Variants in VWDE observed in about 807,000 individuals in gnomAD.
VWDE encodes von Willebrand factor D and EGF domain-containing protein.
VWDE carries 207 observed loss-of-function variants against 178.4 expected under a neutral mutation model. The observed-to-expected ratio is 1.16, with a 90% CI of 1.04 to 1.30. VWDE has a LOEUF of 1.30. Ranked by LOEUF, VWDE falls within the 50% of genes most tolerant of loss-of-function variation. The probability of loss-of-function intolerance (pLI) is 0.00; values close to 1 mark genes in which losing one functional copy is unlikely to be tolerated. For missense variants in VWDE, 2,287 were observed against 1,901.3 expected (o/e 1.20, Z -3.77); for synonymous variants, 738 against 651.4 (o/e 1.13, Z -2.02).
At chr7:12,331,254 T>G (rs1780706799) in intron 28 of VWDE, 57 bp from the exon 29 acceptor site, 2 of 1,450,374 alleles carry the variant, frequency 1.4e-6, no homozygotes, top group African/African-American at 2.9e-5. Context: ...CATTTAACCC[T>G]TACTCATTAT....
chr7:12,390,315 A>AC (rs1784324458), intron 2 of VWDE, among the ~76,000 whole-genome samples: 1 of 152,072 alleles, frequency 6.6e-6, no homozygotes, highest in African/African-American at 2.4e-5. Flanking sequence ...CAGGGCCCTT[A>AC]CTAAATGCAT....
intron 3 of VWDE, among the ~76,000 whole-genome samples, chr7:12,387,686 G>A (rs1784171896): frequency 1.3e-5 from 2 of 152,030 alleles, no homozygotes; most frequent in African/African-American, 4.8e-5. Flanking sequence ...ATAATTGTGT[G>A]ATTTGGGGTC....
intron 27 of VWDE, 82 bp downstream of exon 27, chr7:12,336,059 A>G: frequency 8.1e-7 from 1 of 1,238,590 alleles, no homozygotes; most frequent in Non-Finnish European, 1.1e-6. Context: ...CCCCTTATGG[A>G]CTTGTCCTAA....
chr7:12,365,987 C>T (rs1009077744), intron 13 of VWDE, among the ~76,000 whole-genome samples: 2 of 151,876 alleles, frequency 1.3e-5, no homozygotes, highest in Admixed American at 1.3e-4. Flanking sequence ...GCAGTTTCTC[C>T]CATGCTGCTC....
chr7:12,377,686 A>G, intron 7 of VWDE, 90 bp downstream of exon 7: 2 of 758,584 alleles, frequency 2.6e-6, no homozygotes, highest in East Asian at 3.3e-5. Context: ...GATTTATTAT[A>G]TGAGTACACT....
In VWDE at chr7:12,370,190, T is replaced by C. The variant is rs1054319275; in HGVS notation, c.2116A>G (p.Lys706Glu). ...TGTTTTTGTACATTTAAGCCGAGTT[T>C]AGTCAGGTTTATGTGTTTTTTTTCT... ...LQEKKHINLTKLGLNVQKHPG... is the reference protein window; with the variant it reads ...LQEKKHINLTELGLNVQKHPG... The change falls in exon 12 of 29, where the codon AAA (lysine) becomes GAA (glutamate). Residue 706 changes from lysine to glutamate, a missense_variant. Transcript: ENST00000275358. 13 of 1,551,454 alleles carry C rather than the reference T, an allele frequency of 8.4e-6. No individual in the cohort carries two copies. The highest frequency in any genetic ancestry group is 1.1e-5 in the Non-Finnish European group (13 of 1,146,884).
rs554177615 is a variant in VWDE at position 12,352,433 on chromosome 7, G to C, written c.3746-720C>G. Among the ~76,000 whole-genome samples the C allele has an allele frequency of 1.5e-3, 232 of 152,224 alleles. 1 individual carries two copies. Among genetic ancestry groups the C allele is most frequent in the African/African-American group, 5.4e-3 (223 of 41,536 alleles). On this transcript the variant is annotated intron_variant, in intron 18 of 28. Coordinates refer to ENST00000275358, the MANE Select transcript of VWDE (RefSeq NM_001135924.3). ...ACCAAAAGTCCTTTTGTATTAATAA[G>C]CCCCTTCCTACAATACACAAATGAC...
At chr7:12,392,133 G>C (rs1432571348) in intron 2 of VWDE, among the ~76,000 whole-genome samples, 1 of 152,172 alleles carries the variant, frequency 6.6e-6, no homozygotes, top group Non-Finnish European at 1.5e-5. Flanking sequence ...AGAAGATCAG[G>C]TACATGACTT....
intron 1 of VWDE, among the ~76,000 whole-genome samples, chr7:12,394,011 A>G (rs1489346110): frequency 6.6e-6 from 1 of 152,220 alleles, no homozygotes; most frequent in East Asian, 1.9e-4. Context: ...TGTACTTTTG[A>G]AACACTTAAG....
chr7:12,336,799 T>A lies in VWDE; in HGVS notation c.4558+189A>T, dbSNP rs575556989. ...TACAAGATATCCTCTTCTGCTAACC[T>A]GAAAGAATGAGTTCAGAAGAGTAAA... On this transcript the variant is annotated intron_variant, in intron 26 of 28. Coordinates refer to ENST00000275358, the MANE Select transcript of VWDE (RefSeq NM_001135924.3). 1.9e-3 allele frequency among the ~76,000 whole-genome samples: 288 copies of A among 152,184 alleles called. 3 individuals are homozygous for A. The highest frequency in any genetic ancestry group is 6.4e-3 in the African/African-American group (266 of 41,486).
chr7:12,333,592 T>A (rs1251862246), intron 27 of VWDE, 24 bp from the exon 28 acceptor site: 2 of 1,471,994 alleles, frequency 1.4e-6, no homozygotes, highest in South Asian at 2.4e-5. Context: ...ATTTTTACAA[T>A]GACCATCCTT....
chr7:12,364,904 T>C (rs1008073082), intron 13 of VWDE, among the ~76,000 whole-genome samples: 1 of 152,052 alleles, frequency 6.6e-6, no homozygotes, highest in Non-Finnish European at 1.5e-5. Flanking sequence ...GTGATCAAAA[T>C]TTACATTGCC....
intron 3 of VWDE, among the ~76,000 whole-genome samples, chr7:12,388,505 T>C (rs2128560654): frequency 6.6e-6 from 1 of 152,342 alleles, no homozygotes; most frequent in East Asian, 1.9e-4. Flanking sequence ...CAATAATTTG[T>C]AATTCTTTAA....
At chr7:12,339,770 G>C (rs1284188783) in intron 24 of VWDE, among the ~76,000 whole-genome samples, 1 of 152,004 alleles carries the variant, frequency 6.6e-6, no homozygotes, top group African/African-American at 2.4e-5. Context: ...ATACCCTCAA[G>C]ACATCCCCAT....
In VWDE at chr7:12,380,702, A is replaced by G; in HGVS notation, c.573T>C (p.Pro191=). 6.4e-7 allele frequency: 1 copy of G among 1,551,886 alleles called. No individual in the cohort carries two copies. Among genetic ancestry groups the G allele is most frequent in the Non-Finnish European group, 8.7e-7 (1 of 1,147,002 alleles). ...RQLAASLPPP[P]AGRPEVLVEL... is the part of the protein sequence containing the mutation. ...CCACCAGAACCTCTGGCCTTCCTGC[A>G]GGTGGAGGTGGCAATGAGGCAGCCA... The change falls in exon 5 of 29, where the codon CCT becomes CCC. Residue 191 remains proline (P), a synonymous_variant. Transcript: ENST00000275358.
chr7:12,333,741 C>G (rs1780861377), intron 27 of VWDE, 173 bp from the exon 28 acceptor site: 3 of 427,772 alleles, frequency 7.0e-6, no homozygotes. Flanking sequence ...TTTCAGAGCA[C>G]ACGCACACAT....
chr7:12,372,059 TTGTATGAAAGA>T (rs1783235097), intron 10 of VWDE, among the ~76,000 whole-genome samples: 1 of 152,144 alleles, frequency 6.6e-6, no homozygotes, highest in Non-Finnish European at 1.5e-5. Context: ...CTTCCTGATA[TTGTATGAAAGA>T]TGTTCAACCT....
rs1485626754 is a variant in VWDE, at chr7:12,388,037, C to T, written c.475+1090G>A. Among the ~76,000 whole-genome samples the T allele has an allele frequency of 5.3e-5, 8 of 152,208 alleles. No individual in the cohort carries two copies. In the East Asian group the frequency reaches 1.3e-3, roughly 26 times the overall value. On this transcript the variant is annotated intron_variant, in intron 3 of 28. Coordinates refer to ENST00000275358, the MANE Select transcript of VWDE (RefSeq NM_001135924.3). ...AACTGAAGACTGTACTCAGATTTTACGAATCTGAATTTTTCAATTTTCCCA... is the reference window on the plus strand; with the variant it reads ...AACTGAAGACTGTACTCAGATTTTATGAATCTGAATTTTTCAATTTTCCCA...
At chr7:12,383,286 A>G (rs573242575) in intron 4 of VWDE, among the ~76,000 whole-genome samples, 1 of 152,254 alleles carries the variant, frequency 6.6e-6, no homozygotes, top group South Asian at 2.1e-4. Context: ...GAATGTTGAT[A>G]TGAACTGCCA....
Sources: gnomAD v4.1 joint callset for allele counts (sites outside exome capture counted in the v4.1 genomes callset) on GRCh38, gnomAD v4.1.1 for gene constraint, MANE v1.5 for transcripts, NCBI Gene and HGNC (gene_info 2026-07-23, HGNC 2026-07-21) for gene names.